The following NUFIP1 variants were observed in gnomAD, a reference collection of about 807,000 sequenced individuals.
The protein encoded by NUFIP1 is nuclear FMR1 interacting protein 1.
NUFIP1 carries 38 observed loss-of-function variants against 56.2 expected under a neutral mutation model. The observed-to-expected ratio is 0.68, with a 90% CI of 0.52 to 0.89. NUFIP1 has a LOEUF of 0.89. NUFIP1 is among the 40% of genes least tolerant of loss of function. The pLI, the probability that NUFIP1 is intolerant of heterozygous loss-of-function variation, is 0.00. For synonymous variants in NUFIP1, 215 were observed against 212.4 expected (o/e 1.01, Z -0.10); for missense variants, 567 against 605.8 (o/e 0.94, Z 0.67).
intron 8 of NUFIP1, among the ~76,000 whole-genome samples, chr13:44,948,743 A>G (rs1306632486): frequency 6.6e-6 from 1 of 152,198 alleles, no homozygotes; most frequent in Non-Finnish European, 1.5e-5. Flanking sequence ...CCTGAAAGAG[A>G]TGCTGAAGGA....
intron 9 of NUFIP1, among the ~76,000 whole-genome samples, chr13:44,942,566 T>A (rs1870776552): frequency 6.6e-6 from 1 of 152,178 alleles, no homozygotes. Context: ...AACTTGTAAG[T>A]CAAAACCAAA....
Position 44,965,836 on chromosome 13 carries a change from G to C in NUFIP1, c.827+8C>G. On this transcript the variant is annotated splice_region_variant and intron_variant, in intron 6 of 9. Coordinates refer to ENST00000379161, the MANE Select transcript of NUFIP1 (RefSeq NM_012345.3). ...CCTTTTCATTATTCATAAGCATAAG[G>C]AGCTTACCCATATTGTGTTGTTGTC... is the stretch of plus-strand genomic sequence containing the variant. 1 of 1,535,894 alleles carries C rather than the reference G, an allele frequency of 6.5e-7. No homozygotes were observed. Among genetic ancestry groups the C allele is most frequent in the Non-Finnish European group, 8.9e-7 (1 of 1,127,972 alleles).
chr13:44,942,682 C>T (rs1304765587), intron 9 of NUFIP1, among the ~76,000 whole-genome samples: 3 of 152,144 alleles, frequency 2.0e-5, no homozygotes, highest in Non-Finnish European at 2.9e-5. Context: ...TTCATGTCCA[C>T]TACTGAGAAC....
At chr13:44,966,738 T>C (rs536185426) in intron 5 of NUFIP1, among the ~76,000 whole-genome samples, 1 of 150,954 alleles carries the variant, frequency 6.6e-6, no homozygotes, top group South Asian at 2.1e-4. Flanking sequence ...TTTTGGGAGG[T>C]TGAGGTGGGC....
chr13:44,956,650 G>A (rs1031235349), intron 7 of NUFIP1, among the ~76,000 whole-genome samples: 9 of 152,060 alleles, frequency 5.9e-5, no homozygotes, highest in Non-Finnish European at 8.8e-5. Flanking sequence ...AATCCCTCAC[G>A]TGCACAGTTC....
intron 7 of NUFIP1, among the ~76,000 whole-genome samples, chr13:44,952,991 T>TTTTGAGAAGGAATA (rs1871128066): frequency 6.6e-6 from 1 of 152,210 alleles, no homozygotes; most frequent in Admixed American, 6.5e-5. Flanking sequence ...AGGCTATGGA[T>TTTTGAGAAGGAATA]TTTGAGAAGG....
rs1378419633 is a variant in NUFIP1, at chr13:44,989,052, G to A, written c.385C>T (p.Arg129Trp). ...YWRQSSDRFPRHQKSFNPAVK... is the reference protein window; with the variant it reads ...YWRQSSDRFPWHQKSFNPAVK... The stretch of plus-strand genomic sequence containing the variant: ...GCAGGGTTGAAGGACTTCTGATGCC[G>A]AGGAAACCTATCAGAAGACTGTCTC... The change falls in exon 1 of 10, where the codon CGG (arginine) becomes TGG (tryptophan). Residue 129 changes from arginine to tryptophan, a missense_variant. Transcript: ENST00000379161. 7 of 1,614,104 alleles carry A rather than the reference G, an allele frequency of 4.3e-6. No homozygotes were observed. The highest frequency in any genetic ancestry group is 1.1e-5 in the South Asian group (1 of 91,078).
chr13:44,964,319 G>A (rs1871523378), intron 6 of NUFIP1, among the ~76,000 whole-genome samples: 1 of 152,102 alleles, frequency 6.6e-6, no homozygotes, highest in African/African-American at 2.4e-5. Flanking sequence ...TAAAGTAACA[G>A]GGACTGAATT....
intron 5 of NUFIP1, among the ~76,000 whole-genome samples, chr13:44,976,421 AGAGGAG>A (rs756487673): frequency 6.6e-6 from 1 of 151,626 alleles, no homozygotes; most frequent in Non-Finnish European, 1.5e-5. Context: ...GAAGAAGAGA[AGAGGAG>A]GAGGAGGAAG....
chr13:44,964,883 GTT>G (rs1263919368), intron 6 of NUFIP1, among the ~76,000 whole-genome samples: 2 of 152,156 alleles, frequency 1.3e-5, no homozygotes, highest in Non-Finnish European at 2.9e-5. Context: ...CACTGCTCTG[GTT>G]TCATCTAACA....
intron 5 of NUFIP1, among the ~76,000 whole-genome samples, chr13:44,966,992 A>C (rs1378186674): frequency 6.6e-6 from 1 of 151,462 alleles, no homozygotes; most frequent in African/African-American, 2.4e-5. Flanking sequence ...ATAAATAAAT[A>C]AATAAATAAA....
At chr13:44,964,484 G>C (rs1274625541) in intron 6 of NUFIP1, among the ~76,000 whole-genome samples, 1 of 152,176 alleles carries the variant, frequency 6.6e-6, no homozygotes, top group African/African-American at 2.4e-5. Context: ...CAGCCTTAAA[G>C]AGTTTCCAGA....
rs114422794 is a variant in NUFIP1, at chr13:44,944,577, C to T, written c.1139-903G>A. ...TCGTAGGGATACAAAATATCACTAA[C>T]GATTAACTCAAATTGACAAAGAACA... On this transcript the variant is annotated intron_variant, in intron 8 of 9. Transcript: ENST00000379161. Among the ~76,000 whole-genome samples the T allele has an allele frequency of 8.5e-3, 1,287 of 152,042 alleles. 11 individuals are homozygous for T. The highest frequency in any genetic ancestry group is 0.011 in the Non-Finnish European group (768 of 67,908).
In NUFIP1 at chr13:44,959,547, T is replaced by C; in HGVS notation, c.855A>G (p.Ser285=). ...YGKMKGMSRH[S]QMAKIRSPGK... is the part of the protein sequence containing the mutation. Reference sequence around the variant, plus strand: ...CAGGACTTCTGATCTTTGCCATTTGTGAATGTCTGGACATCCCCTTCATCT... The same window carrying C: ...CAGGACTTCTGATCTTTGCCATTTGCGAATGTCTGGACATCCCCTTCATCT... The change falls in exon 7 of 10, where the codon TCA becomes TCG. Residue 285 remains serine (S), a synonymous_variant. Transcript: ENST00000379161. The C allele has an allele frequency of 1.2e-6, 2 of 1,613,564 alleles. No homozygotes were observed. Among genetic ancestry groups the C allele is most frequent in the Admixed American group, 3.3e-5 (2 of 59,894 alleles).
intron 7 of NUFIP1, 38 bp from the exon 8 acceptor site, chr13:44,949,876 C>G: frequency 7.3e-7 from 1 of 1,364,734 alleles, no homozygotes; most frequent in Non-Finnish European, 1.0e-6. Context: ...ACATCTACCA[C>G]CATAAAAAAG....
intron 7 of NUFIP1, among the ~76,000 whole-genome samples, chr13:44,950,547 A>G (rs1334150075): frequency 6.6e-6 from 1 of 152,134 alleles, no homozygotes; most frequent in Non-Finnish European, 1.5e-5. Context: ...CGGATTCACC[A>G]TGTTGGCCAG....
intron 5 of NUFIP1, among the ~76,000 whole-genome samples, chr13:44,978,806 C>T (rs1872079279): frequency 6.6e-6 from 1 of 152,102 alleles, no homozygotes; most frequent in Admixed American, 6.5e-5. Flanking sequence ...CTTAGCTCAC[C>T]TTAGTTTAAG....
intron 8 of NUFIP1, 30 bp from the exon 9 acceptor site, chr13:44,943,704 TAAACAAAACA>T (rs375098710): frequency 6.4e-5 from 100 of 1,554,544 alleles, no homozygotes; most frequent in Non-Finnish European, 8.3e-5. Context: ...AACACAAAAA[TAAACAAAACA>T]AAACAAAACA....
chr13:44,967,951 C>T (rs1371834942), intron 5 of NUFIP1, among the ~76,000 whole-genome samples: 2 of 43,436 alleles, frequency 4.6e-5, no homozygotes, highest in African/African-American at 2.1e-4. Flanking sequence ...CACTTCTCTA[C>T]CTTCTGCCTT....
Sources: gnomAD v4.1 joint callset for allele counts (sites outside exome capture counted in the v4.1 genomes callset) on GRCh38, gnomAD v4.1.1 for gene constraint, MANE v1.5 for transcripts, NCBI Gene and HGNC (gene_info 2026-07-23, HGNC 2026-07-21) for gene names.